KCNN2: variants seen among roughly 807,000 people sequenced by gnomAD.
The protein encoded by KCNN2 is potassium calcium-activated channel subfamily N member 2, also known as small conductance calcium-activated potassium channel protein 2.
A neutral mutation model predicts 55.5 loss-of-function variants in KCNN2; 24 were observed. That is an observed-to-expected ratio of 0.43 (90% confidence interval 0.31 to 0.61). KCNN2 has a LOEUF of 0.61. KCNN2 is among the 20% of genes least tolerant of loss of function. The pLI, the probability that KCNN2 is intolerant of heterozygous loss-of-function variation, is 0.08. For synonymous variants in KCNN2, 431 were observed against 336.1 expected, an observed-to-expected ratio of 1.28 and a Z score of -3.09; for missense variants, 754 against 853.6, an observed-to-expected ratio of 0.88 and a Z score of 1.45.
chr5:114,453,715 T>A (rs1023761431), intron 3 of KCNN2, among the ~76,000 whole-genome samples: 3 of 152,184 alleles, frequency 2.0e-5, no homozygotes, highest in African/African-American at 4.8e-5. Context: ...TCTGGGAAAT[T>A]TCTGTCAACT....
intron 1 of KCNN2, among the ~76,000 whole-genome samples, chr5:114,164,833 A>G (rs1019349025): frequency 1.3e-5 from 2 of 152,214 alleles, no homozygotes; most frequent in Non-Finnish European, 2.9e-5. Context: ...AAGGCTTTTT[A>G]TACTAAGATT....
At chr5:114,188,339 A>G (rs1202775791) in intron 1 of KCNN2, among the ~76,000 whole-genome samples, 1 of 152,152 alleles carries the variant, frequency 6.6e-6, no homozygotes, top group African/African-American at 2.4e-5. Flanking sequence ...ATGGCCACAC[A>G]TTCATTTCTC....
At chr5:114,069,145 A>G (rs1475277304) in intron 1 of KCNN2, among the ~76,000 whole-genome samples, 1 of 152,106 alleles carries the variant, frequency 6.6e-6, no homozygotes, top group Non-Finnish European at 1.5e-5. Flanking sequence ...CCAACTATAG[A>G]TGATGCCAAG....
intron 1 of KCNN2, among the ~76,000 whole-genome samples, chr5:114,147,098 T>C (rs192618419): frequency 8.5e-5 from 13 of 152,190 alleles, no homozygotes; most frequent in Admixed American, 2.6e-4. Flanking sequence ...CAGAAGTGTA[T>C]GGAGTAGAAA....
intron 1 of KCNN2, among the ~76,000 whole-genome samples, chr5:114,180,264 T>C (rs1753214561): frequency 6.6e-6 from 1 of 152,162 alleles, no homozygotes; most frequent in Non-Finnish European, 1.5e-5. Flanking sequence ...ACCCAGAACT[T>C]CAGTCACTAC....
chr5:114,135,191 G>C (rs936203891), intron 1 of KCNN2, among the ~76,000 whole-genome samples: 25 of 152,026 alleles, frequency 1.6e-4, no homozygotes, highest in African/African-American at 6.0e-4. Context: ...GAATGCTCAG[G>C]AATTGTTAAC....
intron 1 of KCNN2, among the ~76,000 whole-genome samples, chr5:114,134,621 G>T (rs551885527): frequency 9.2e-5 from 14 of 151,900 alleles, no homozygotes; most frequent in African/African-American, 3.1e-4. Flanking sequence ...GATTACAGGC[G>T]CCTGCCACGG....
chr5:114,391,009 A>C (rs889197188), intron 2 of KCNN2, among the ~76,000 whole-genome samples: 1 of 152,186 alleles, frequency 6.6e-6, no homozygotes, highest in Non-Finnish European at 1.5e-5. Context: ...CTATCACTGC[A>C]TCCTGGTGGA....
chr5:114,201,728 C>T (rs1580613787), intron 1 of KCNN2, among the ~76,000 whole-genome samples: 1 of 150,330 alleles, frequency 6.7e-6, no homozygotes, highest in Admixed American at 6.6e-5. Context: ...AGCAGCATGG[C>T]CAAGAAGCTG....
At chr5:114,186,630 C>A (rs1473356850) in intron 1 of KCNN2, among the ~76,000 whole-genome samples, 1 of 152,158 alleles carries the variant, frequency 6.6e-6, no homozygotes, top group Non-Finnish European at 1.5e-5. Flanking sequence ...TTGGTCTTAA[C>A]TGTTACTATA....
intron 2 of KCNN2, among the ~76,000 whole-genome samples, chr5:114,249,106 TGAGAA>T (rs1325904250): frequency 2.0e-5 from 3 of 152,100 alleles, no homozygotes; most frequent in Non-Finnish European, 4.4e-5. Context: ...AAATAAAACA[TGAGAA>T]GAGAATAGAC....
intron 2 of KCNN2, among the ~76,000 whole-genome samples, chr5:114,297,819 C>T (rs530235545): frequency 2.0e-5 from 3 of 151,996 alleles, no homozygotes; most frequent in East Asian, 3.9e-4. Flanking sequence ...TTATGTATTA[C>T]ATAACAAGTT....
rs150071824 is a variant in KCNN2, at chr5:114,482,028, A to G, written c.1891-5022A>G. 1.0e-2 allele frequency among the ~76,000 whole-genome samples: 1,519 copies of G among 152,338 alleles called. 18 individuals carry two copies. Among genetic ancestry groups the G allele is most frequent in the Non-Finnish European group, 0.013 (903 of 68,028 alleles). ...CAATTGCAACAAGCAAAAATTGACA[A>G]ATGGGATCTAATTAAACTAAAGAGT... is the stretch of plus-strand genomic sequence containing the variant. On this transcript the variant is annotated intron_variant, in intron 5 of 7. Transcript: ENST00000673685.
At chr5:114,232,891 T>C (rs1482541815) in intron 2 of KCNN2, among the ~76,000 whole-genome samples, 20 of 147,882 alleles carry the variant, frequency 1.4e-4, no homozygotes, top group Non-Finnish European at 3.0e-4. Flanking sequence ...TGCTTATTAC[T>C]GATTTTCAGA....
intron 2 of KCNN2, among the ~76,000 whole-genome samples, chr5:114,285,375 G>A (rs1755721641): frequency 6.6e-6 from 1 of 151,806 alleles, no homozygotes; most frequent in South Asian, 2.1e-4. Flanking sequence ...AACACATGGA[G>A]GAAAGAATGA....
At chr5:114,164,203 A>C (rs1440628748) in intron 1 of KCNN2, among the ~76,000 whole-genome samples, 1 of 152,240 alleles carries the variant, frequency 6.6e-6, no homozygotes, top group East Asian at 1.9e-4. Context: ...ACAAATCCAT[A>C]GTACAAGAAT....
intron 2 of KCNN2, among the ~76,000 whole-genome samples, chr5:114,237,255 T>TTC (rs1460577772): frequency 1.3e-5 from 1 of 77,894 alleles, no homozygotes; most frequent in Non-Finnish European, 2.7e-5. Context: ...GTTGTCAAAA[T>TTC]TCACACACAC....
chr5:114,377,653 G>A (rs538497629), intron 2 of KCNN2, among the ~76,000 whole-genome samples: 1 of 152,236 alleles, frequency 6.6e-6, no homozygotes, highest in South Asian at 2.1e-4. Flanking sequence ...CTGGAAAGCA[G>A]CCCAGATGTC....
intron 6 of KCNN2, among the ~76,000 whole-genome samples, chr5:114,492,535 A>C (rs980412871): frequency 6.6e-6 from 1 of 152,168 alleles, no homozygotes; most frequent in East Asian, 1.9e-4. Context: ...TAAACACTGA[A>C]TAAATATTTG....
Sources: gnomAD v4.1 joint callset for allele counts (sites outside exome capture counted in the v4.1 genomes callset) on GRCh38, gnomAD v4.1.1 for gene constraint, MANE v1.5 for transcripts, NCBI Gene and HGNC (gene_info 2026-07-23, HGNC 2026-07-21) for gene names.